Variants in SRSF4 observed in about 807,000 individuals in gnomAD.
SRSF4 encodes serine and arginine rich splicing factor 4.
Under a neutral mutation model 48.8 loss-of-function variants are expected in SRSF4, and 12 were observed. The observed-to-expected ratio is 0.25, with a 90% CI of 0.16 to 0.40. The LOEUF (loss-of-function observed/expected upper bound fraction) is 0.40. Ranked by LOEUF, SRSF4 falls within the 10% of genes least tolerant of loss-of-function variation. The pLI is 1.00. For missense variants in SRSF4, 466 were observed against 667.1 expected (o/e 0.70, Z 3.32); for synonymous variants, 248 against 232.5 (o/e 1.07, Z -0.61).
chr1:29,150,430 A>G (rs1323429195), intron 4 of SRSF4, among the ~76,000 whole-genome samples: 1 of 152,018 alleles, frequency 6.6e-6, no homozygotes, highest in African/African-American at 2.4e-5. Flanking sequence ...ACGCCTGGCT[A>G]ATTTTGTATT....
intron 3 of SRSF4, among the ~76,000 whole-genome samples, chr1:29,155,205 A>C (rs1317880286): frequency 2.0e-5 from 3 of 152,072 alleles, no homozygotes; most frequent in Non-Finnish European, 4.4e-5. Flanking sequence ...CTGAGGCGGG[A>C]GGATTGCTTG....
chr1:29,158,785 T>C (rs1358006910), intron 3 of SRSF4, among the ~76,000 whole-genome samples: 1 of 152,114 alleles, frequency 6.6e-6, no homozygotes, highest in African/African-American at 2.4e-5. Context: ...TGAGCCATGA[T>C]TGTGCCTCTG....
intron 1 of SRSF4, among the ~76,000 whole-genome samples, chr1:29,174,952 G>A (rs1039550329): frequency 1.3e-5 from 2 of 149,562 alleles, no homozygotes; most frequent in African/African-American, 4.9e-5. Flanking sequence ...GATTATAGGC[G>A]TGAGCCACCA....
chr1:29,174,675 GTT>G (rs35283951), intron 1 of SRSF4, among the ~76,000 whole-genome samples: 12 of 130,682 alleles, frequency 9.2e-5, no homozygotes, highest in Non-Finnish European at 1.8e-4. Flanking sequence ...CAGGAGATAG[GTT>G]TTTTTTTTTT....
At chr1:29,181,316 T>G (rs1051571689) in intron 1 of SRSF4, among the ~76,000 whole-genome samples, 2 of 152,160 alleles carry the variant, frequency 1.3e-5, no homozygotes, top group Non-Finnish European at 2.9e-5. Flanking sequence ...GGGCCCCAGT[T>G]CCGGGCCTAG....
intron 1 of SRSF4, chr1:29,172,238 T>TA (rs1237523830): frequency 6.6e-6 from 1 of 152,172 alleles, no homozygotes; most frequent in African/African-American, 2.4e-5. Flanking sequence ...CTCTATTTAT[T>TA]ATTCATTCAA....
rs1672335181 is a variant in SRSF4 at position 29,148,155 on chromosome 1, G to C, written c.*255C>G. 2 of 630,712 alleles carry C rather than the reference G, an allele frequency of 3.2e-6. No individual in the cohort carries two copies. Among genetic ancestry groups the C allele is most frequent in the Non-Finnish European group, 5.8e-6 (2 of 342,456 alleles). The allele number at this position is 630,712 out of a possible 1,614,324, so 39.1% of individuals were successfully genotyped here. A position where few individuals can be genotyped will look rare whatever the true frequency, so the allele number is the denominator to read the frequency against. On this transcript the variant is annotated 3_prime_UTR_variant, in exon 6 of 6. Coordinates refer to ENST00000373795, the MANE Select transcript of SRSF4 (RefSeq NM_005626.5). ...AGGAAAGGCCAGGCCTGAAAGCCAAGGCGTTTTGGATATTCTACTGTGGGC... is the reference window on the plus strand; with the variant it reads ...AGGAAAGGCCAGGCCTGAAAGCCAACGCGTTTTGGATATTCTACTGTGGGC...
Position 29,181,776 on chromosome 1 carries a change from G to A in SRSF4, c.-24C>T, listed in dbSNP as rs1672964426. The A allele has an allele frequency of 1.3e-6, 2 of 1,551,086 alleles. No homozygotes were observed. The highest frequency in any genetic ancestry group is 1.9e-5 in the Admixed American group (1 of 53,266). ...ATCCCGGCAACGGCAGTGATGGCTG[G>A]CCCCGGCCCCAGCCCCCCTTAGGCG... On this transcript the variant is annotated 5_prime_UTR_variant, in exon 1 of 6. Transcript: ENST00000373795.
At chr1:29,171,430 A>T (rs912639582) in intron 1 of SRSF4, 1 of 148,348 alleles carries the variant, frequency 6.7e-6, no homozygotes, top group Admixed American at 6.9e-5. Context: ...AATTTAAAAA[A>T]TCTTCTATTT....
chr1:29,161,137 G>A (rs938352983), intron 1 of SRSF4, among the ~76,000 whole-genome samples: 9 of 152,058 alleles, frequency 5.9e-5, no homozygotes, highest in East Asian at 1.9e-4. Context: ...TATACAACTC[G>A]TGCAAACTTC....
intron 1 of SRSF4, 119 bp from the exon 2 acceptor site, chr1:29,160,636 G>T (rs1672581475): frequency 8.4e-7 from 1 of 1,195,574 alleles, no homozygotes; most frequent in East Asian, 2.7e-5. Context: ...TGCAAACTAA[G>T]GATCAACTTT....
chr1:29,155,266 C>A (rs1427029570), intron 3 of SRSF4, among the ~76,000 whole-genome samples: 2 of 151,892 alleles, frequency 1.3e-5, no homozygotes, highest in African/African-American at 4.8e-5. Flanking sequence ...CCTATCTCTA[C>A]AAAAATTGAA....
chr1:29,162,509 C>T lies in SRSF4; in HGVS notation c.108-1992G>A, dbSNP rs536019414. Among the ~76,000 whole-genome samples the T allele has an allele frequency of 3.8e-4, 58 of 152,298 alleles. No individual in the cohort carries two copies. In the South Asian group the frequency reaches 0.012, roughly 32 times the overall value. Reference sequence around the variant, plus strand: ...ACTTTGGTTTATCTCTAGATGGATTCAAAACAATAACAACAACAAAAGTGC... The same window carrying T: ...ACTTTGGTTTATCTCTAGATGGATTTAAAACAATAACAACAACAAAAGTGC... On this transcript the variant is annotated intron_variant, in intron 1 of 5. Coordinates refer to ENST00000373795, the MANE Select transcript of SRSF4 (RefSeq NM_005626.5).
chr1:29,175,539 C>T (rs909344110), intron 1 of SRSF4, among the ~76,000 whole-genome samples: 1 of 148,070 alleles, frequency 6.8e-6, no homozygotes, highest in Non-Finnish European at 1.5e-5. Context: ...ACTAAAAATA[C>T]AAAAAATTAG....
intron 3 of SRSF4, 67 bp downstream of exon 3, chr1:29,159,307 A>C: frequency 1.8e-6 from 2 of 1,107,646 alleles, no homozygotes; most frequent in Non-Finnish European, 2.7e-6. Flanking sequence ...GGGCCTGCAC[A>C]AATCTACCTG....
intron 5 of SRSF4, 77 bp from the exon 6 acceptor site, chr1:29,149,303 C>T (rs1672365494): frequency 6.6e-7 from 1 of 1,506,344 alleles, no homozygotes; most frequent in Non-Finnish European, 8.9e-7. Flanking sequence ...AAAGGGCATA[C>T]ATGTGGAGTT....
chr1:29,169,886 A>G (rs1210020442), intron 1 of SRSF4: 1 of 152,222 alleles, frequency 6.6e-6, no homozygotes, highest in Non-Finnish European at 1.5e-5. Flanking sequence ...TCTGCATCAA[A>G]TATGAATTTA....
chr1:29,179,595 C>G lies in SRSF4; in HGVS notation c.107+2051G>C, dbSNP rs1383921758. Among the ~76,000 whole-genome samples, 3 of 152,278 alleles carry G rather than the reference C, an allele frequency of 2.0e-5. No homozygotes were observed. The East Asian group carries it at 5.8e-4, about 29-fold the overall frequency. On this transcript the variant is annotated intron_variant, in intron 1 of 5. Coordinates refer to ENST00000373795, the MANE Select transcript of SRSF4 (RefSeq NM_005626.5). Reference sequence around the variant, plus strand: ...AACTCCTGGCCTGAAGTAATCTTCACACTTCAGCTGGGATTGCAGGCACAA... The same window carrying G: ...AACTCCTGGCCTGAAGTAATCTTCAGACTTCAGCTGGGATTGCAGGCACAA...
chr1:29,173,075 A>G (rs1672770351), intron 1 of SRSF4: 1 of 151,732 alleles, frequency 6.6e-6, no homozygotes, highest in Non-Finnish European at 1.5e-5. Flanking sequence ...ATGCTTTCAT[A>G]ATATCTAAAT....
Sources: gnomAD v4.1 joint callset for allele counts (sites outside exome capture counted in the v4.1 genomes callset) on GRCh38, gnomAD v4.1.1 for gene constraint, MANE v1.5 for transcripts, NCBI Gene and HGNC (gene_info 2026-07-23, HGNC 2026-07-21) for gene names.